Variants in VIT observed in about 807,000 individuals in gnomAD.
VIT encodes vitrin.
VIT carries 99 observed loss-of-function variants against 78.0 expected under a neutral mutation model. The observed-to-expected ratio is 1.27, with a 90% CI of 1.08 to 1.50. The LOEUF (loss-of-function observed/expected upper bound fraction) is 1.50. VIT is among the 40% of genes most tolerant of loss of function. The probability of loss-of-function intolerance (pLI) is 0.00; values close to 1 mark genes in which losing one functional copy is unlikely to be tolerated. For synonymous variants in VIT, 374 were observed against 334.3 expected (o/e 1.12, Z -1.29); for missense variants, 1,126 against 875.3 (o/e 1.29, Z -3.61).
intron 5 of VIT, among the ~76,000 whole-genome samples, chr2:36,756,522 C>T (rs1374560714): frequency 6.6e-6 from 1 of 152,112 alleles, no homozygotes; most frequent in African/African-American, 2.4e-5. Flanking sequence ...GCCTCAAGCC[C>T]CTACCGTCCT....
In VIT at chr2:36,783,329, G is replaced by A. The variant is rs767280438; in HGVS notation, c.848-11G>A. Reference sequence around the variant, plus strand: ...CTTGTAAGTCACCAAAAGTTTTACTGCTCTTTCCAGGACTTGTTCCAAAAG... The same window carrying A: ...CTTGTAAGTCACCAAAAGTTTTACTACTCTTTCCAGGACTTGTTCCAAAAG... On this transcript the variant is annotated splice_polypyrimidine_tract_variant and intron_variant, in intron 10 of 15. Coordinates refer to ENST00000379242, the MANE Select transcript of VIT (RefSeq NM_053276.4). 8 of 1,613,760 alleles carry A rather than the reference G, an allele frequency of 5.0e-6. No homozygotes were observed. Among genetic ancestry groups the A allele is most frequent in the Non-Finnish European group, 8.5e-7 (1 of 1,179,870 alleles).
At chr2:36,766,799 A>T (rs1669457625) in intron 6 of VIT, among the ~76,000 whole-genome samples, 1 of 152,256 alleles carries the variant, frequency 6.6e-6, no homozygotes, top group Non-Finnish European at 1.5e-5. Context: ...TAGTGGTGCC[A>T]GGCAAATTAA....
At chr2:36,814,122 G>C in intron 15 of VIT, 61 bp from the exon 16 acceptor site, 3 of 1,576,966 alleles carry the variant, frequency 1.9e-6, no homozygotes, top group Middle Eastern at 1.8e-4. Flanking sequence ...CAAGAAGAGA[G>C]AGATTCTTTA....
chr2:36,748,558 C>T (rs1001370908), intron 4 of VIT, among the ~76,000 whole-genome samples: 5 of 152,158 alleles, frequency 3.3e-5, no homozygotes, highest in African/African-American at 7.2e-5. Context: ...TTATGAAATT[C>T]CTGTAGTAAA....
At chr2:36,764,892 G>A (rs911991893) in intron 6 of VIT, among the ~76,000 whole-genome samples, 1 of 151,974 alleles carries the variant, frequency 6.6e-6, no homozygotes, top group Non-Finnish European at 1.5e-5. Context: ...AGGGGAAGGT[G>A]GATGGTTCCC....
At chr2:36,697,186 T>A (rs777877633) in intron 1 of VIT, among the ~76,000 whole-genome samples, 31 of 152,200 alleles carry the variant, frequency 2.0e-4, no homozygotes, top group Admixed American at 5.9e-4. Flanking sequence ...TAAACTGCAT[T>A]GATATTAATA....
intron 1 of VIT, among the ~76,000 whole-genome samples, chr2:36,699,283 C>G (rs1003325754): frequency 1.9e-4 from 12 of 63,536 alleles, no homozygotes; most frequent in South Asian, 1.3e-3. Context: ...AGTCTCTAAG[C>G]TTCCCTCTCA....
At chr2:36,799,853 G>A (rs1174204067) in intron 12 of VIT, among the ~76,000 whole-genome samples, 1 of 152,004 alleles carries the variant, frequency 6.6e-6, no homozygotes, top group Non-Finnish European at 1.5e-5. Flanking sequence ...TTGGAGACCA[G>A]CCTGGCCAAC....
rs758383392 is a variant in VIT at position 36,808,500 on chromosome 2, C to G, written c.1418C>G (p.Ser473Trp). ...KAVCRTNGFY[S>W]LHVQSWFGLH... ...GTGTGCAGAACAAACGGCTTCTACT[C>G]GCTCCACGTGCAGAGCTGGTTTGGC... The change falls in exon 15 of 16, where the codon TCG becomes TGG. Residue 473 changes from serine to tryptophan, a missense_variant. By Grantham distance (177) the Ser-to-Trp change is radical (BLOSUM62 -3). Coordinates refer to ENST00000379242, the MANE Select transcript of VIT (RefSeq NM_053276.4). 5 of 1,611,220 alleles carry G rather than the reference C, an allele frequency of 3.1e-6. No homozygotes were observed. Among genetic ancestry groups the G allele is most frequent in the South Asian group, 1.1e-5 (1 of 91,026 alleles).
intron 3 of VIT, among the ~76,000 whole-genome samples, chr2:36,735,606 T>A (rs1442301420): frequency 6.6e-6 from 1 of 152,136 alleles, no homozygotes; most frequent in African/African-American, 2.4e-5. Flanking sequence ...TTGGCAGAGG[T>A]GGGGAAGCCC....
intron 4 of VIT, among the ~76,000 whole-genome samples, chr2:36,744,113 T>C (rs960849115): frequency 3.3e-5 from 5 of 152,234 alleles, no homozygotes; most frequent in African/African-American, 9.6e-5. Flanking sequence ...TCCAGCTGCA[T>C]GCATGTTGCT....
intron 13 of VIT, among the ~76,000 whole-genome samples, chr2:36,803,096 C>T (rs1666448584): frequency 1.3e-5 from 2 of 152,186 alleles, no homozygotes; most frequent in African/African-American, 4.8e-5. Context: ...CTGCCAGCTC[C>T]AGAACCACGC....
chr2:36,793,564 C>G (rs1292124769), intron 12 of VIT, among the ~76,000 whole-genome samples: 2 of 152,260 alleles, frequency 1.3e-5, no homozygotes, highest in Non-Finnish European at 2.9e-5. Flanking sequence ...TCTGCAGCCA[C>G]TGTCGTGTGA....
Position 36,805,523 on chromosome 2 carries a change from G to A in VIT, c.1248G>A (p.Met416Ile). 5 of 1,614,104 alleles carry A rather than the reference G, an allele frequency of 3.1e-6. No homozygotes were observed. The highest frequency in any genetic ancestry group is 4.2e-6 in the Non-Finnish European group (5 of 1,180,020). Residue 416 changes from methionine to isoleucine, a missense_variant, in exon 14 of 16, where the codon ATG becomes ATA. Transcript: ENST00000379242. ...RSGAPNVVVV[M>I]VDGWPTDKVE... ...GGGCTCCCAATGTGGTGGTGGTGAT[G>A]GTGGATGGCTGGCCCACGGACAAAG...
intron 9 of VIT, among the ~76,000 whole-genome samples, chr2:36,777,744 G>A (rs759704304): frequency 5.9e-5 from 9 of 152,092 alleles, no homozygotes; most frequent in East Asian, 1.9e-4. Context: ...TCCTTCCTTC[G>A]TTTAGTCGGC....
intron 13 of VIT, 67 bp from the exon 14 acceptor site, chr2:36,805,371 C>G: frequency 6.8e-7 from 1 of 1,472,310 alleles, no homozygotes; most frequent in South Asian, 1.4e-5. Flanking sequence ...CTTTGTGCTG[C>G]TGTGATCTCT....
At chr2:36,773,678 C>A (rs538458600) in intron 7 of VIT, 113 bp from the exon 8 acceptor site, 1 of 902,328 alleles carries the variant, frequency 1.1e-6, no homozygotes, top group Non-Finnish European at 1.5e-6. Context: ...GAGCTGAGAT[C>A]GCACCACTGC....
At chr2:36,715,548 A>T (rs1189457933) in intron 1 of VIT, among the ~76,000 whole-genome samples, 1 of 148,958 alleles carries the variant, frequency 6.7e-6, no homozygotes, top group East Asian at 1.9e-4. Flanking sequence ...AAAAAAAATA[A>T]AAAAAAAAAA....
chr2:36,786,325 G>C (rs1451646582), intron 11 of VIT, among the ~76,000 whole-genome samples: 4 of 152,186 alleles, frequency 2.6e-5, no homozygotes, highest in Middle Eastern at 3.2e-3. Context: ...TTTATACTGA[G>C]ATGATATCAT....
Sources: gnomAD v4.1 joint callset for allele counts (sites outside exome capture counted in the v4.1 genomes callset) on GRCh38, gnomAD v4.1.1 for gene constraint, MANE v1.5 for transcripts, NCBI Gene and HGNC (gene_info 2026-07-23, HGNC 2026-07-21) for gene names.